The following LTBP1 variants were observed in gnomAD, a reference collection of about 807,000 sequenced individuals.
The protein encoded by LTBP1 is latent-transforming growth factor beta-binding protein 1.
In LTBP1, 129 loss-of-function variants were observed where a neutral mutation model predicts 207.6. The ratio of observed to expected loss-of-function variants is 0.62; its 90% CI spans 0.54 to 0.72. The LOEUF is 0.72. LTBP1 is among the 30% of genes least tolerant of loss of function. The pLI, the probability that LTBP1 is intolerant of heterozygous loss-of-function variation, is 0.00. For synonymous variants in LTBP1, 963 were observed against 833.7 expected, an observed-to-expected ratio of 1.16 and a Z score of -2.67; for missense variants, 2,281 against 2,217.2, an observed-to-expected ratio of 1.03 and a Z score of -0.58.
chr2:33,279,528 C>T (rs2093515602), intron 18 of LTBP1, among the ~76,000 whole-genome samples: 1 of 151,490 alleles, frequency 6.6e-6, no homozygotes, highest in Non-Finnish European at 1.5e-5. Context: ...TTTTTTTCCA[C>T]CTCCAAGGAA....
rs547255022 is a variant in LTBP1 at position 33,072,124 on chromosome 2, TG to T, written c.864-38455del. ...GTTGGGGTTCCCATGATCTGCTGTT[TG>T]GGTTTGACTAATTTGCTAGAGCGGC... On this transcript the variant is annotated intron_variant, in intron 3 of 33. Transcript: ENST00000404816. Among the ~76,000 whole-genome samples, 1,301 of 152,320 alleles carry T rather than the reference TG, an allele frequency of 8.5e-3. 10 individuals carry two copies. Among genetic ancestry groups the T allele is most frequent in the Non-Finnish European group, 0.014 (926 of 68,028 alleles).
chr2:33,043,457 G>A (rs996939784), intron 3 of LTBP1, among the ~76,000 whole-genome samples: 2 of 152,126 alleles, frequency 1.3e-5, no homozygotes, highest in Admixed American at 6.5e-5. Context: ...ATCTTGCCAT[G>A]CTATATTTTG....
intron 3 of LTBP1, among the ~76,000 whole-genome samples, chr2:33,068,607 C>A (rs534181568): frequency 6.6e-6 from 1 of 152,234 alleles, no homozygotes; most frequent in Non-Finnish European, 1.5e-5. Flanking sequence ...ATTCTTCCTT[C>A]TCCCCTAATC....
At chr2:33,080,120 G>A (rs1286946050) in intron 3 of LTBP1, among the ~76,000 whole-genome samples, 1 of 152,012 alleles carries the variant, frequency 6.6e-6, no homozygotes. Flanking sequence ...TCTGCCTCCC[G>A]AGTTCAAGTG....
chr2:33,038,365 T>G (rs1355913684), intron 3 of LTBP1, among the ~76,000 whole-genome samples: 1 of 152,240 alleles, frequency 6.6e-6, no homozygotes, highest in Non-Finnish European at 1.5e-5. Context: ...ATCTAATCTT[T>G]TACCTTATGC....
At chr2:33,322,073 A>G (rs1164713490) in intron 24 of LTBP1, among the ~76,000 whole-genome samples, 1 of 151,916 alleles carries the variant, frequency 6.6e-6, no homozygotes, top group South Asian at 2.1e-4. Context: ...TCTTCCATAT[A>G]TCAACATTTG....
intron 3 of LTBP1, among the ~76,000 whole-genome samples, chr2:33,027,395 C>CCAGTATA (rs1325783888): frequency 6.6e-6 from 1 of 152,102 alleles, no homozygotes; most frequent in East Asian, 1.9e-4. Flanking sequence ...TAGCAAATTA[C>CCAGTATA]CAGTATACAG....
At chr2:33,019,733 T>C (rs1056426873) in intron 2 of LTBP1, among the ~76,000 whole-genome samples, 1 of 152,118 alleles carries the variant, frequency 6.6e-6, no homozygotes, top group African/African-American at 2.4e-5. Context: ...AAATTTTTAA[T>C]TTTGAGATTG....
intron 20 of LTBP1, among the ~76,000 whole-genome samples, chr2:33,294,613 C>G (rs7565095): frequency 0.38 from 51,727 of 137,702 alleles, 10,165 homozygotes; most frequent in Admixed American, 0.45. Flanking sequence ...GAGTCTTGCT[C>G]TGTCGCCCAG....
chr2:33,205,749 C>T (rs747506017), intron 7 of LTBP1, among the ~76,000 whole-genome samples: 1 of 152,010 alleles, frequency 6.6e-6, no homozygotes, highest in Non-Finnish European at 1.5e-5. Flanking sequence ...AAGCCCCAAA[C>T]CCCAATGCAG....
chr2:33,008,283 A>G (rs1459500248), intron 2 of LTBP1, among the ~76,000 whole-genome samples: 1 of 152,242 alleles, frequency 6.6e-6, no homozygotes, highest in Non-Finnish European at 1.5e-5. Flanking sequence ...GTAAGTTCCA[A>G]CATAGTACAT....
chr2:33,323,354 C>T (rs916002713), intron 24 of LTBP1, among the ~76,000 whole-genome samples: 1 of 152,062 alleles, frequency 6.6e-6, no homozygotes, highest in Non-Finnish European at 1.5e-5. Flanking sequence ...GTAAAAAAAT[C>T]GACTAGGCGC....
intron 2 of LTBP1, among the ~76,000 whole-genome samples, chr2:32,995,053 A>T (rs1260298737): frequency 1.3e-5 from 2 of 152,224 alleles, no homozygotes; most frequent in East Asian, 3.9e-4. Flanking sequence ...GTGTGGTAGT[A>T]CGTGCCTGTA....
At chr2:33,027,553 A>G (rs184036097) in intron 3 of LTBP1, among the ~76,000 whole-genome samples, 118 of 152,264 alleles carry the variant, frequency 7.7e-4, no homozygotes, top group Non-Finnish European at 1.4e-3. Context: ...ATTCTAGAAG[A>G]AGGCCGGGCG....
intron 32 of LTBP1, among the ~76,000 whole-genome samples, chr2:33,393,209 T>C (rs1275582337): frequency 3.4e-5 from 5 of 146,724 alleles, no homozygotes; most frequent in Non-Finnish European, 6.0e-5. Context: ...CACCCTCCAC[T>C]AGTGTCTGTT....
chr2:33,224,029 T>C (rs1399955330), intron 9 of LTBP1, among the ~76,000 whole-genome samples: 1 of 152,214 alleles, frequency 6.6e-6, no homozygotes, highest in Non-Finnish European at 1.5e-5. Flanking sequence ...TTTCTTCTCA[T>C]GCACAGTCTC....
intron 33 of LTBP1, 56 bp downstream of exon 33, chr2:33,397,338 C>G (rs1466789856): frequency 2.5e-6 from 4 of 1,582,894 alleles, no homozygotes; most frequent in Admixed American, 1.7e-5. Context: ...CCCCGTATCT[C>G]AGTCAGTAGA....
At chr2:33,060,649 A>ATGTGTG (rs1370555631) in intron 3 of LTBP1, among the ~76,000 whole-genome samples, 1 of 86,012 alleles carries the variant, frequency 1.2e-5, no homozygotes. Flanking sequence ...TTAAATTCAG[A>ATGTGTG]TCTGTGTGTG....
At chr2:33,231,027 C>T (rs965288421) in intron 9 of LTBP1, among the ~76,000 whole-genome samples, 1 of 152,120 alleles carries the variant, frequency 6.6e-6, no homozygotes, top group Non-Finnish European at 1.5e-5. Context: ...ACTCAGTATT[C>T]CACAAACATT....
Sources: gnomAD v4.1 joint callset for allele counts (sites outside exome capture counted in the v4.1 genomes callset) on GRCh38, gnomAD v4.1.1 for gene constraint, MANE v1.5 for transcripts, NCBI Gene and HGNC (gene_info 2026-07-23, HGNC 2026-07-21) for gene names.